HS6ST3: variants seen among roughly 807,000 people sequenced by gnomAD.
HS6ST3 encodes the protein heparan sulfate 6-O-sulfotransferase 3, also known as heparan-sulfate 6-O-sulfotransferase 3.
A neutral mutation model predicts 36.7 loss-of-function variants in HS6ST3; 12 were observed. That is an observed-to-expected ratio of 0.33 (90% CI 0.21 to 0.53). HS6ST3 has a LOEUF of 0.53. HS6ST3 is among the 20% of genes least tolerant of loss of function. HS6ST3 has a pLI of 0.95. For synonymous variants in HS6ST3, 240 were observed against 257.5 expected (o/e 0.93, Z 0.65); for missense variants, 584 against 640.9 (o/e 0.91, Z 0.96).
chr13:96,327,115 C>G (rs1293503226), intron 1 of HS6ST3, among the ~76,000 whole-genome samples: 1 of 146,722 alleles, frequency 6.8e-6, no homozygotes, highest in African/African-American at 2.5e-5. Flanking sequence ...AAAATTTTCT[C>G]CCATTTTGTA....
intron 1 of HS6ST3, among the ~76,000 whole-genome samples, chr13:96,269,355 T>C (rs1182415958): frequency 6.6e-6 from 1 of 152,042 alleles, no homozygotes; most frequent in Non-Finnish European, 1.5e-5. Context: ...TTTATTACAA[T>C]AGAAAAATTA....
At chr13:96,323,275 C>G (rs76394908) in intron 1 of HS6ST3, among the ~76,000 whole-genome samples, 3,942 of 152,326 alleles carry the variant, frequency 0.026, 67 homozygotes, top group East Asian at 0.054. Context: ...CCACAGTCAT[C>G]CCTATCTTAG....
chr13:96,153,060 G>C (rs967649116), intron 1 of HS6ST3, among the ~76,000 whole-genome samples: 1 of 152,110 alleles, frequency 6.6e-6, no homozygotes, highest in Non-Finnish European at 1.5e-5. Context: ...GCTTTTACCA[G>C]TTCCTTCATT....
chr13:96,634,892 G>GTCAA (rs3051177), intron 1 of HS6ST3, among the ~76,000 whole-genome samples: 129,026 of 151,932 alleles, frequency 0.85, 55,034 homozygotes, highest in South Asian at 0.91. Context: ...TGAGTCATTA[G>GTCAA]GTTTAATCTT....
intron 1 of HS6ST3, among the ~76,000 whole-genome samples, chr13:96,092,926 A>T (rs1055435340): frequency 1.3e-5 from 2 of 152,152 alleles, no homozygotes; most frequent in African/African-American, 4.8e-5. Context: ...AGTATATTTT[A>T]CGGATCCTTT....
chr13:96,298,365 A>G (rs1182149735), intron 1 of HS6ST3, among the ~76,000 whole-genome samples: 4 of 152,252 alleles, frequency 2.6e-5, no homozygotes, highest in African/African-American at 9.6e-5. Context: ...GGAAATGGTG[A>G]AATTGAAAGA....
At chr13:96,469,527 T>A (rs1247990037) in intron 1 of HS6ST3, among the ~76,000 whole-genome samples, 3 of 152,140 alleles carry the variant, frequency 2.0e-5, no homozygotes, top group Non-Finnish European at 4.4e-5. Context: ...TCTATAGTAA[T>A]TAACCATAAA....
intron 1 of HS6ST3, among the ~76,000 whole-genome samples, chr13:96,234,734 G>T (rs1360975096): frequency 6.6e-6 from 1 of 152,082 alleles, no homozygotes; most frequent in Non-Finnish European, 1.5e-5. Context: ...GGAATTATGG[G>T]AGCTACAATT....
chr13:96,541,894 C>T (rs560409116), intron 1 of HS6ST3, among the ~76,000 whole-genome samples: 16 of 152,282 alleles, frequency 1.1e-4, no homozygotes, highest in Admixed American at 7.8e-4. Flanking sequence ...GAAGCAGTTC[C>T]ACAATTTACC....
intron 1 of HS6ST3, among the ~76,000 whole-genome samples, chr13:96,167,824 A>G (rs949513370): frequency 7.2e-5 from 11 of 152,348 alleles, no homozygotes; most frequent in African/African-American, 2.4e-4. Context: ...GAGCCTATTT[A>G]TAAATATATG....
intron 1 of HS6ST3, among the ~76,000 whole-genome samples, chr13:96,722,271 A>T (rs2138469676): frequency 1.3e-5 from 2 of 152,324 alleles, no homozygotes; most frequent in Middle Eastern, 3.4e-3. Flanking sequence ...TCTAAAAAAA[A>T]AAGAAAGAAA....
intron 1 of HS6ST3, among the ~76,000 whole-genome samples, chr13:96,567,138 A>G (rs549128568): frequency 9.2e-5 from 14 of 151,878 alleles, no homozygotes; most frequent in Middle Eastern, 3.4e-3. Context: ...TGCTTCTTTT[A>G]TCTTCTCTCT....
intron 1 of HS6ST3, among the ~76,000 whole-genome samples, chr13:96,680,141 C>T (rs2056713323): frequency 6.6e-6 from 1 of 152,104 alleles, no homozygotes; most frequent in South Asian, 2.1e-4. Context: ...ACCTTAAGCC[C>T]ATCCCAGCAT....
At chr13:96,501,581 C>T (rs952116787) in intron 1 of HS6ST3, among the ~76,000 whole-genome samples, 5 of 152,190 alleles carry the variant, frequency 3.3e-5, no homozygotes, top group Admixed American at 1.3e-4. Context: ...AGAACAGAGC[C>T]GGGCCCTTAG....
At chr13:96,171,927 C>T (rs570971401) in intron 1 of HS6ST3, among the ~76,000 whole-genome samples, 1 of 152,078 alleles carries the variant, frequency 6.6e-6, no homozygotes, top group South Asian at 2.1e-4. Context: ...AATTAATAGA[C>T]ATAGATTGAA....
chr13:96,130,787 C>T (rs1341770097), intron 1 of HS6ST3, among the ~76,000 whole-genome samples: 1 of 152,178 alleles, frequency 6.6e-6, no homozygotes, highest in Admixed American at 6.5e-5. Flanking sequence ...TTCTGTGCAG[C>T]TTTCTCTGAG....
chr13:96,098,529 C>T (rs2053802445), intron 1 of HS6ST3, among the ~76,000 whole-genome samples: 1 of 152,146 alleles, frequency 6.6e-6, no homozygotes, highest in Non-Finnish European at 1.5e-5. Flanking sequence ...TGTTTAAAAG[C>T]ATGGACCCTG....
chr13:96,387,654 G>GA (rs2055375048), intron 1 of HS6ST3, among the ~76,000 whole-genome samples: 1 of 152,112 alleles, frequency 6.6e-6, no homozygotes. Context: ...TATACTGGGG[G>GA]AAAATGTGTT....
intron 1 of HS6ST3, among the ~76,000 whole-genome samples, chr13:96,660,119 A>G (rs1203211602): frequency 6.6e-6 from 1 of 152,100 alleles, no homozygotes; most frequent in Non-Finnish European, 1.5e-5. Context: ...GAATAACAAG[A>G]CAATTAAATT....
Sources: allele counts gnomAD v4.1 joint callset (sites outside exome capture counted in the v4.1 genomes callset), GRCh38; gene constraint gnomAD v4.1.1; transcripts MANE v1.5; gene names NCBI Gene and HGNC (gene_info 2026-07-23, HGNC 2026-07-21).